The following DERA variants were observed in gnomAD, a reference collection of about 807,000 sequenced individuals.
DERA encodes the protein 2-deoxy-D-ribose 5-phosphate aldolase.
In DERA, 15 loss-of-function variants were observed where a neutral mutation model predicts 41.1. The ratio of observed to expected loss-of-function variants is 0.37; its 90% CI spans 0.24 to 0.56. DERA has a LOEUF of 0.56. Ranked by LOEUF, DERA falls within the 20% of genes least tolerant of loss-of-function variation. The pLI is 0.81. For synonymous variants in DERA, 139 were observed against 137.4 expected (o/e 1.01, Z -0.08); for missense variants, 396 against 403.4 (o/e 0.98, Z 0.16).
At position 15,988,330 on chromosome 12, in the gene DERA, C is replaced by T. The variant is rs1366205872; in HGVS notation, c.637+5894C>T. Reference sequence around the variant, plus strand: ...GTCCAGGAAGAAAGAAGTACTTGGACAACTGGAGGGTGAGCAAGGCACAGA... The same window carrying T: ...GTCCAGGAAGAAAGAAGTACTTGGATAACTGGAGGGTGAGCAAGGCACAGA... On this transcript the variant is annotated intron_variant, in intron 6 of 8. Coordinates refer to ENST00000428559, the MANE Select transcript of DERA (RefSeq NM_015954.4). This position sits in a 1 kb window ranked among gnomAD's most constrained non-coding sequence, Gnocchi z 6.0. 6.6e-6 allele frequency among the ~76,000 whole-genome samples: 1 copy of T among 152,116 alleles called. No individual in the cohort carries two copies. The highest frequency in any genetic ancestry group is 1.5e-5 in the Non-Finnish European group (1 of 68,032).
rs1166271023 is a variant in DERA at position 15,938,381 on chromosome 12, T to A, written c.32-18555T>A. Reference sequence around the variant, plus strand: ...ATAGTTCCATTCAAACAGTAAAAAATTCATTCTAACACTAAAATATACTCA... The same window carrying A: ...ATAGTTCCATTCAAACAGTAAAAAAATCATTCTAACACTAAAATATACTCA... On this transcript the variant is annotated intron_variant, in intron 1 of 8. Transcript: ENST00000428559. The surrounding 1 kb of genome is among the most constrained non-coding windows in gnomAD (Gnocchi z 4.1). Among the ~76,000 whole-genome samples, 2 of 152,162 alleles carry A rather than the reference T, an allele frequency of 1.3e-5. No homozygotes were observed. Among genetic ancestry groups the A allele is most frequent in the African/African-American group, 4.8e-5 (2 of 41,434 alleles).
rs1949012308 is a variant in DERA at position 16,020,632 on chromosome 12, A to T, written c.638-11910A>T. Among the ~76,000 whole-genome samples the T allele has an allele frequency of 2.6e-5, 4 of 152,222 alleles. No homozygotes were observed. The highest frequency in any genetic ancestry group is 7.2e-5 in the African/African-American group (3 of 41,464). ...GGAAGAGTTTGGAGGGCCCAGAAAA[A>T]GACAGGAAGATGAGAGAAAGTTTGA... On this transcript the variant is annotated intron_variant, in intron 6 of 8. Transcript: ENST00000428559. The surrounding 1 kb of genome is among the most constrained non-coding windows in gnomAD (Gnocchi z 5.5).
In DERA at chr12:15,981,472, G is replaced by A. The variant is rs892257530; in HGVS notation, c.509-836G>A. On this transcript the variant is annotated intron_variant, in intron 5 of 8. Transcript: ENST00000428559. This position sits in a 1 kb window ranked among gnomAD's most constrained non-coding sequence, Gnocchi z 6.1. ...CTGAGTTCAAGAAATGATAGTGGCC[G>A]GCCTGAAAAAGCCAAAATTCACTAG... 7.2e-5 allele frequency among the ~76,000 whole-genome samples: 11 copies of A among 152,138 alleles called. No individual in the cohort carries two copies. In the East Asian group the frequency reaches 1.2e-3, roughly 16 times the overall value.
At chr12:15,997,021 T>C (rs934856349) in intron 6 of DERA, among the ~76,000 whole-genome samples, 3 of 152,174 alleles carry the variant, frequency 2.0e-5, no homozygotes, top group African/African-American at 7.2e-5. Flanking sequence ...ACTTTTTAGA[T>C]TGGAAAGGAG....
chr12:15,922,557 G>A lies in DERA; in HGVS notation c.31+11143G>A, dbSNP rs145384403. On this transcript the variant is annotated intron_variant, in intron 1 of 8. Transcript: ENST00000428559. This position sits in a 1 kb window ranked among gnomAD's most constrained non-coding sequence, Gnocchi z 4.9. The stretch of plus-strand genomic sequence containing the variant: ...ATTGATGCTGATAATACTGAAGACC[G>A]TCTGAAAGAAAAGCATCCTAGAGAA... 0.013 allele frequency among the ~76,000 whole-genome samples: 1,919 copies of A among 152,316 alleles called. 19 individuals are homozygous for A. The highest frequency in any genetic ancestry group is 0.027 in the African/African-American group (1,115 of 41,568).
chr12:15,920,062 C>T (rs1948230860), intron 1 of DERA, among the ~76,000 whole-genome samples: 1 of 151,856 alleles, frequency 6.6e-6, no homozygotes, highest in African/African-American at 2.4e-5. Flanking sequence ...GGATTTCATT[C>T]AAATGTCTAA....
chr12:15,926,579 A>G (rs1486552055), intron 1 of DERA, among the ~76,000 whole-genome samples: 1 of 151,692 alleles, frequency 6.6e-6, no homozygotes, highest in African/African-American at 2.4e-5. Flanking sequence ...TACTAAAAAT[A>G]CAAAAAATTA....
chr12:15,951,671 C>T (rs776752474), intron 1 of DERA, among the ~76,000 whole-genome samples: 5 of 152,078 alleles, frequency 3.3e-5, no homozygotes, highest in South Asian at 2.1e-4. Context: ...GAATATATAA[C>T]GTGAGAAAGT....
In DERA at chr12:16,036,884, A is replaced by C. The variant is rs1477081950; in HGVS notation, c.*138A>C. 4 of 663,256 alleles carry C rather than the reference A, an allele frequency of 6.0e-6. No individual in the cohort carries two copies. The highest frequency in any genetic ancestry group is 1.0e-5 in the Non-Finnish European group (4 of 383,738). 41.1% of individuals were successfully genotyped at this position (663,256 alleles called of 1,614,324 possible). On this transcript the variant is annotated 3_prime_UTR_variant, in exon 9 of 9. Transcript: ENST00000428559. The surrounding 1 kb of genome is among the most constrained non-coding windows in gnomAD (Gnocchi z 4.9). ...TCTCTTTAAAATTTCTACCGAACTT[A>C]ATGGAATGGAAAAAGCAAACTCATC...
intron 1 of DERA, chr12:15,916,100 C>T (rs531044169): frequency 6.6e-6 from 1 of 152,340 alleles, no homozygotes; most frequent in South Asian, 2.1e-4. Flanking sequence ...CCATAACCCA[C>T]ATCTTAACCA....
chr12:16,029,913 CTTTTTTTTT>C (rs71438364), intron 6 of DERA, among the ~76,000 whole-genome samples: 4 of 59,688 alleles, frequency 6.7e-5, no homozygotes, highest in Non-Finnish European at 8.8e-5. Flanking sequence ...TAGCCTTGGT[CTTTTTTTTT>C]TTTTTTTTTT....
At chr12:15,926,103 G>A (rs867972706) in intron 1 of DERA, among the ~76,000 whole-genome samples, 1 of 151,404 alleles carries the variant, frequency 6.6e-6, no homozygotes, top group East Asian at 2.0e-4. Flanking sequence ...GATTATAGGC[G>A]TGAGCCACTG....
At position 15,989,936 on chromosome 12, in the gene DERA, ACAGT is replaced by A. The variant is rs527385988; in HGVS notation, c.637+7504_637+7507del. Among the ~76,000 whole-genome samples, 780 of 152,338 alleles carry A rather than the reference ACAGT, an allele frequency of 5.1e-3. 6 individuals are homozygous for A. Among genetic ancestry groups the A allele is most frequent in the Admixed American group, 7.1e-3 (109 of 15,302 alleles). ...TTCAAAATGTTTTAGAGCAAGGAAC[ACAGT>A]CAGAAGACCAGAACTCTTGTTCTGT... is the stretch of plus-strand genomic sequence containing the variant. On this transcript the variant is annotated intron_variant, in intron 6 of 8. Coordinates refer to ENST00000428559, the MANE Select transcript of DERA (RefSeq NM_015954.4). This position sits in a 1 kb window ranked among gnomAD's most constrained non-coding sequence, Gnocchi z 5.2.
At chr12:15,951,730 T>C (rs995225383) in intron 1 of DERA, among the ~76,000 whole-genome samples, 43 of 152,240 alleles carry the variant, frequency 2.8e-4, no homozygotes, top group African/African-American at 9.2e-4. Context: ...CAATTTGGCA[T>C]ATAGTTTATT....
chr12:15,955,256 A>G (rs1948529250), intron 1 of DERA, among the ~76,000 whole-genome samples: 1 of 151,524 alleles, frequency 6.6e-6, no homozygotes, highest in Admixed American at 6.6e-5. Flanking sequence ...CCAAGATCGT[A>G]CCACTGCATT....
chr12:15,937,854 C>A (rs1028244724), intron 1 of DERA, among the ~76,000 whole-genome samples: 1 of 152,164 alleles, frequency 6.6e-6, no homozygotes, highest in African/African-American at 2.4e-5. Context: ...TTACCAGCTC[C>A]CTTTTTCATT....
chr12:15,958,976 C>T (rs996332003), intron 3 of DERA, among the ~76,000 whole-genome samples: 1 of 152,150 alleles, frequency 6.6e-6, no homozygotes, highest in Non-Finnish European at 1.5e-5. Flanking sequence ...GGCTACACGT[C>T]TTGTTACTTG....
chr12:15,944,422 T>G (rs1948431342), intron 1 of DERA, among the ~76,000 whole-genome samples: 1 of 152,208 alleles, frequency 6.6e-6, no homozygotes, highest in Admixed American at 6.5e-5. Context: ...ATTGCCCTTC[T>G]AACTGGTGTG....
In DERA at chr12:16,036,260, G is replaced by A. The variant is rs779490135; in HGVS notation, c.779G>A (p.Arg260His). Residue 260 changes from arginine (R) to histidine (H), a missense_variant, in exon 8 of 9, where the codon CGC (arginine) becomes CAC (histidine). Physicochemically the swap from Arg to His is conservative, Grantham distance 29. Transcript: ENST00000428559. The surrounding 1 kb of genome is among the most constrained non-coding windows in gnomAD (Gnocchi z 4.9). The stretch of plus-strand genomic sequence containing the variant: ...GGGTTTAAACCAGCAGGAGGCATCC[G>A]CAGTGCAAAGGATTCCCTTGCTTGG... ...KIGFKPAGGI[R>H]SAKDSLAWLS... 17 of 1,612,080 alleles carry A rather than the reference G, an allele frequency of 1.1e-5. No homozygotes were observed. Among genetic ancestry groups the A allele is most frequent in the African/African-American group, 4.0e-5 (3 of 74,814 alleles).
Sources: allele counts gnomAD v4.1 joint callset (sites outside exome capture counted in the v4.1 genomes callset), GRCh38; gene constraint gnomAD v4.1.1; non-coding constraint Gnocchi (gnomAD v3.1); transcripts MANE v1.5; gene names NCBI Gene and HGNC (gene_info 2026-07-23, HGNC 2026-07-21).